COBLL1: variants seen among roughly 807,000 people sequenced by gnomAD.
The protein encoded by COBLL1 is cordon-bleu protein-like 1.
A neutral mutation model predicts 94.8 loss-of-function variants in COBLL1; 50 were observed. That is an observed-to-expected ratio of 0.53 (90% CI 0.42 to 0.67). COBLL1 has a LOEUF of 0.67. COBLL1 is among the 30% of genes least tolerant of loss of function. The probability of loss-of-function intolerance (pLI) is 0.00; values close to 1 mark genes in which losing one functional copy is unlikely to be tolerated. For missense variants in COBLL1, 1,362 were observed against 1,348.7 expected, an observed-to-expected ratio of 1.01 and a Z score of -0.15; for synonymous variants, 448 against 473.8, an observed-to-expected ratio of 0.95 and a Z score of 0.71.
rs189754333 is a variant in COBLL1, at chr2:164,753,579, A to G, written c.42-9704T>C. 5.2e-3 allele frequency among the ~76,000 whole-genome samples: 795 copies of G among 152,034 alleles called. 12 individuals carry two copies. The highest frequency in any genetic ancestry group is 0.018 in the African/African-American group (734 of 41,414). ...CAAAACTTCTAGGACTCTGCTGTCC[A>G]ATATGGCGGCCATGTAGCTACTGAG... On this transcript the variant is annotated intron_variant, in intron 2 of 13. Coordinates refer to ENST00000652658, the MANE Select transcript of COBLL1 (RefSeq NM_001365672.2).
chr2:164,792,890 T>C (rs536848552), intron 2 of COBLL1, among the ~76,000 whole-genome samples: 86 of 152,232 alleles, frequency 5.6e-4, no homozygotes, highest in African/African-American at 1.9e-3. Flanking sequence ...ATTCCATTCC[T>C]AGGCCCATAA....
intron 3 of COBLL1, among the ~76,000 whole-genome samples, chr2:164,735,856 G>A (rs951343494): frequency 1.2e-4 from 18 of 152,138 alleles, no homozygotes; most frequent in East Asian, 3.9e-4. Context: ...AGGAGCACAC[G>A]TGAGCAGTCC....
chr2:164,796,150 A>G (rs1223305342), intron 2 of COBLL1, among the ~76,000 whole-genome samples: 1 of 152,218 alleles, frequency 6.6e-6, no homozygotes, highest in African/African-American at 2.4e-5. Context: ...AGATGGCACA[A>G]TATTTTGTAG....
chr2:164,700,799 C>A, intron 9 of COBLL1, 43 bp from the exon 10 acceptor site: 1 of 1,183,530 alleles, frequency 8.4e-7, no homozygotes, highest in Admixed American at 2.0e-5. Flanking sequence ...TAATTTGCCT[C>A]ATTCATCACA....
At chr2:164,743,942 G>A (rs900834642) in intron 2 of COBLL1, 67 bp from the exon 3 acceptor site, 9 of 1,158,284 alleles carry the variant, frequency 7.8e-6, no homozygotes, top group Non-Finnish European at 1.1e-5. Context: ...TTAATATGAT[G>A]TATTTTTATA....
intron 2 of COBLL1, among the ~76,000 whole-genome samples, chr2:164,807,083 C>A (rs998311832): frequency 2.6e-5 from 4 of 152,094 alleles, no homozygotes; most frequent in Non-Finnish European, 5.9e-5. Flanking sequence ...CTCTGGAAAG[C>A]CATTACAACA....
rs1684981754 is a variant in COBLL1, at chr2:164,713,002, GTTTC to G, written c.997-7901_997-7898del. Among the ~76,000 whole-genome samples the G allele has an allele frequency of 3.3e-5, 5 of 152,074 alleles. No individual in the cohort carries two copies. In the South Asian group the frequency reaches 1.0e-3, roughly 31 times the overall value. The stretch of plus-strand genomic sequence containing the variant: ...GTATTGTATGAAAGCATACTTGCCA[GTTTC>G]TTTGTTATATTATTGTGATTTGTAA... On this transcript the variant is annotated intron_variant, in intron 7 of 13. Coordinates refer to ENST00000652658, the MANE Select transcript of COBLL1 (RefSeq NM_001365672.2).
chr2:164,796,168 A>G (rs1683443811), intron 2 of COBLL1, among the ~76,000 whole-genome samples: 2 of 152,340 alleles, frequency 1.3e-5, no homozygotes, highest in African/African-American at 4.8e-5. Context: ...TAGGGCAACT[A>G]TCTTGATCTC....
At chr2:164,807,664 G>A (rs16849787) in intron 2 of COBLL1, among the ~76,000 whole-genome samples, 19,820 of 151,814 alleles carry the variant, frequency 0.13, 1,909 homozygotes, top group African/African-American at 0.28. Flanking sequence ...TATTAGCATT[G>A]TTTTTACTGT....
intron 13 of COBLL1, chr2:164,687,429 G>T (rs1212648955): frequency 3.2e-5 from 34 of 1,046,816 alleles, no homozygotes; most frequent in Non-Finnish European, 4.0e-5. Flanking sequence ...TTGAGAAGTG[G>T]ATCGTCTGGC....
At chr2:164,687,486 C>T in intron 13 of COBLL1, 3 of 1,455,740 alleles carry the variant, frequency 2.1e-6, no homozygotes, top group Admixed American at 1.7e-5. Context: ...CAATCACATG[C>T]TCCTTGTTCT....
intron 2 of COBLL1, among the ~76,000 whole-genome samples, chr2:164,752,884 A>G (rs401131): frequency 0.28 from 43,280 of 152,040 alleles, 7,292 homozygotes; most frequent in African/African-American, 0.47. Context: ...TACAAAATAC[A>G]GGTATTGAAC....
intron 7 of COBLL1, among the ~76,000 whole-genome samples, chr2:164,705,788 CT>C (rs1381875520): frequency 6.6e-6 from 1 of 152,194 alleles, no homozygotes; most frequent in East Asian, 1.9e-4. Flanking sequence ...GGCTCACACA[CT>C]TTGGAAGGCC....
chr2:164,770,761 C>T lies in COBLL1; in HGVS notation c.42-26886G>A, dbSNP rs116725905. ...CCTAGAAACAAAGGCATATATAACACGCCAAGTAATGGTGGTGGTCAGTAC... is the reference window on the plus strand; with the variant it reads ...CCTAGAAACAAAGGCATATATAACATGCCAAGTAATGGTGGTGGTCAGTAC... On this transcript the variant is annotated intron_variant, in intron 2 of 13. Transcript: ENST00000652658. Among the ~76,000 whole-genome samples, 8 of 152,202 alleles carry T rather than the reference C, an allele frequency of 5.3e-5. No individual in the cohort carries two copies. The South Asian group carries it at 1.5e-3, about 28-fold the overall frequency.
chr2:164,709,216 T>C (rs539861115), intron 7 of COBLL1, among the ~76,000 whole-genome samples: 2 of 152,354 alleles, frequency 1.3e-5, no homozygotes, highest in East Asian at 3.9e-4. Context: ...ATTTCAGTTT[T>C]ATAAATGCTA....
At chr2:164,837,399 T>C (rs1683365482) in intron 2 of COBLL1, 1 of 440,934 alleles carries the variant, frequency 2.3e-6, no homozygotes, top group Non-Finnish European at 4.6e-6. Flanking sequence ...ATTTACTAAT[T>C]GGATATCCAC....
intron 2 of COBLL1, among the ~76,000 whole-genome samples, chr2:164,758,858 A>AT (rs1558987580): frequency 6.6e-6 from 1 of 152,070 alleles, no homozygotes; most frequent in African/African-American, 2.4e-5. Context: ...TTATCTGTGG[A>AT]TTTTTTAAAA....
chr2:164,703,080 G>C (rs776382480), intron 9 of COBLL1: 2 of 1,416,238 alleles, frequency 1.4e-6, no homozygotes, highest in South Asian at 2.3e-5. Flanking sequence ...CAAAGCACCA[G>C]CCAGGAAAGG....
chr2:164,732,611 G>C (rs1371537433), intron 3 of COBLL1, among the ~76,000 whole-genome samples: 3 of 152,206 alleles, frequency 2.0e-5, no homozygotes, highest in Non-Finnish European at 4.4e-5. Context: ...TTGTCTATGA[G>C]TAAATGATGA....
Sources: allele counts gnomAD v4.1 joint callset (sites outside exome capture counted in the v4.1 genomes callset), GRCh38; gene constraint gnomAD v4.1.1; transcripts MANE v1.5; gene names NCBI Gene and HGNC (gene_info 2026-07-23, HGNC 2026-07-21).